Variants in PCDHA5 observed in about 807,000 individuals in gnomAD.
PCDHA5 encodes the protein protocadherin alpha-5.
PCDHA5 carries 43 observed loss-of-function variants against 61.6 expected under a neutral mutation model. The ratio of observed to expected loss-of-function variants is 0.70; its 90% confidence interval spans 0.55 to 0.90. The LOEUF (loss-of-function observed/expected upper bound fraction) is 0.90, where lower values mean the gene tolerates loss of function less well. Ranked by LOEUF, PCDHA5 falls within the 40% of genes least tolerant of loss-of-function variation. The pLI, the probability that PCDHA5 is intolerant of heterozygous loss-of-function variation, is 0.00. For synonymous variants in PCDHA5, 627 were observed against 543.9 expected (o/e 1.15, Z -2.13); for missense variants, 1,298 against 1,222.7 (o/e 1.06, Z -0.92).
rs545226629 is a variant in PCDHA5, at chr5:140,856,253, A to G, written c.2352+32126A>G. ...GCGCCTGTTCCGGGTGGCGTCCAAA[A>G]GACACGGGGACCTTCTGGAGGTAAA... On this transcript the variant is annotated intron_variant, in intron 1 of 3. Transcript: ENST00000529859. 2.5e-6 allele frequency: 4 copies of G among 1,597,916 alleles called. No individual in the cohort carries two copies. The African/African-American group carries it at 4.0e-5, about 16-fold the overall frequency.
At chr5:140,855,829 C>T in intron 1 of PCDHA5, 1 of 560,296 alleles carries the variant, frequency 1.8e-6, no homozygotes. Flanking sequence ...CTCATGGAAT[C>T]GTACTTACAC....
At chr5:140,899,200 T>G (rs1554188457) in intron 1 of PCDHA5, among the ~76,000 whole-genome samples, 2 of 151,512 alleles carry the variant, frequency 1.3e-5, no homozygotes, top group Admixed American at 1.3e-4. Context: ...CCTGCCTAAT[T>G]GCCCTGGCCA....
At chr5:140,829,449 C>T (rs2150168143) in intron 1 of PCDHA5, 10 of 1,613,808 alleles carry the variant, frequency 6.2e-6, no homozygotes, top group African/African-American at 5.3e-5. Context: ...GACAATGCTC[C>T]GGCGTTCGCG....
In PCDHA5 at chr5:140,857,009, G is replaced by T; in HGVS notation, c.2352+32882G>T. 2 of 1,596,020 alleles carry T rather than the reference G, an allele frequency of 1.3e-6. 1 individual carries two copies. The highest frequency in any genetic ancestry group is 1.7e-6 in the Non-Finnish European group (2 of 1,165,702). On this transcript the variant is annotated intron_variant, in intron 1 of 3. Transcript: ENST00000529859. ...TAACACTTATGAAATTCATGTAGAT[G>T]TTACAGATAAGGGAAACCCACCTAT...
intron 1 of PCDHA5, among the ~76,000 whole-genome samples, chr5:140,949,684 C>T (rs116815984): frequency 0.023 from 3,563 of 151,738 alleles, 50 homozygotes; most frequent in Middle Eastern, 0.051. Context: ...CTTGTTGAAG[C>T]GTATTGTTGG....
At chr5:140,956,504 T>C (rs577559329) in intron 1 of PCDHA5, among the ~76,000 whole-genome samples, 1 of 152,352 alleles carries the variant, frequency 6.6e-6, no homozygotes, top group South Asian at 2.1e-4. Context: ...TGAAGCCTAC[T>C]TGATCATGGT....
At chr5:140,857,858 G>A in intron 1 of PCDHA5, 3 of 1,597,854 alleles carry the variant, frequency 1.9e-6, no homozygotes, top group Non-Finnish European at 2.6e-6. Context: ...TGGATACAAC[G>A]CGTGGCTGTC....
Position 140,873,289 on chromosome 5 carries a change from C to T in PCDHA5, c.2352+49162C>T, listed in dbSNP as rs542998877. On this transcript the variant is annotated intron_variant, in intron 1 of 3. Transcript: ENST00000529859. ...TTAAACCATCATACCACTTATGAAA[C>T]TTTATAAATATAATAAAGGTGAATA... Among the ~76,000 whole-genome samples, 19 of 152,188 alleles carry T rather than the reference C, an allele frequency of 1.2e-4. No homozygotes were observed. In the South Asian group the frequency reaches 3.7e-3, roughly 30 times the overall value.
chr5:140,876,964 C>G, intron 1 of PCDHA5: 2 of 1,613,060 alleles, frequency 1.2e-6, no homozygotes, highest in Non-Finnish European at 1.7e-6. Context: ...GGTGGAGCGG[C>G]GGGTGGGCGA....
At chr5:140,927,714 C>G (rs111315855) in intron 1 of PCDHA5, 1 of 1,614,198 alleles carries the variant, frequency 6.2e-7, no homozygotes. Flanking sequence ...CCCTAAGCAA[C>G]AGCACGCAAG....
intron 1 of PCDHA5, chr5:140,850,124 G>A: frequency 6.3e-7 from 1 of 1,595,944 alleles, no homozygotes; most frequent in Non-Finnish European, 8.6e-7. Context: ...CGGGCGTGCC[G>A]CCTCTGGGCA....
At chr5:140,829,631 A>G (rs2150171714) in intron 1 of PCDHA5, 2 of 1,612,100 alleles carry the variant, frequency 1.2e-6, no homozygotes, top group East Asian at 2.2e-5. Flanking sequence ...GCACGCGGAG[A>G]GCGGCAAGGT....
chr5:140,942,197 T>C (rs2093245078), intron 1 of PCDHA5, among the ~76,000 whole-genome samples: 1 of 152,170 alleles, frequency 6.6e-6, no homozygotes, highest in African/African-American at 2.4e-5. Context: ...TAAAATACAT[T>C]TTTGAGCATA....
Position 140,856,390 on chromosome 5 carries a change from G to A in PCDHA5, c.2352+32263G>A, listed in dbSNP as rs2043967931. On this transcript the variant is annotated intron_variant, in intron 1 of 3. Coordinates refer to ENST00000529859, the MANE Select transcript of PCDHA5 (RefSeq NM_018908.3). ...AGGTGATCGTGGACAGGCCGCTGCA[G>A]GTTTTCCATGTGGACGTGGAAGTGA... is the stretch of plus-strand genomic sequence containing the variant. 3 of 1,598,440 alleles carry A rather than the reference G, an allele frequency of 1.9e-6. 1 individual carries two copies. The highest frequency in any genetic ancestry group is 2.6e-6 in the Non-Finnish European group (3 of 1,167,994).
intron 1 of PCDHA5, chr5:140,928,899 T>C (rs2085633672): frequency 2.5e-6 from 4 of 1,614,088 alleles, no homozygotes; most frequent in South Asian, 1.1e-5. Flanking sequence ...ACTTTGAAGA[T>C]GTCTGGGAAC....
intron 1 of PCDHA5, among the ~76,000 whole-genome samples, chr5:140,838,012 A>G (rs2150146283): frequency 6.6e-6 from 1 of 151,110 alleles, no homozygotes; most frequent in East Asian, 1.9e-4. Flanking sequence ...TAAAAAAAGA[A>G]GTGATTACAG....
At chr5:140,992,201 CAG>C (rs1587495213) in intron 3 of PCDHA5, among the ~76,000 whole-genome samples, 1 of 152,256 alleles carries the variant, frequency 6.6e-6, no homozygotes, top group East Asian at 1.9e-4. Context: ...TCTATCCAAT[CAG>C]ATAAACTACT....
At chr5:140,964,771 A>C (rs2095853520) in intron 1 of PCDHA5, among the ~76,000 whole-genome samples, 1 of 152,022 alleles carries the variant, frequency 6.6e-6, no homozygotes, top group South Asian at 2.1e-4. Context: ...GGATGCAGAG[A>C]GAAGAGGAAG....
In PCDHA5 at chr5:140,884,521, G is replaced by A. The variant is rs569278761; in HGVS notation, c.2352+60394G>A. On this transcript the variant is annotated intron_variant, in intron 1 of 3. Transcript: ENST00000529859. ...GCGCGGCAGGGAGTTGGTCGTACTCGCAGCAGAGGCGGCCGAGGGTGTGCT... is the reference window on the plus strand; with the variant it reads ...GCGCGGCAGGGAGTTGGTCGTACTCACAGCAGAGGCGGCCGAGGGTGTGCT... 8.1e-6 allele frequency: 13 copies of A among 1,614,196 alleles called. No homozygotes were observed. In the East Asian group the frequency reaches 2.0e-4, roughly 25 times the overall value.
Sources: gnomAD v4.1 joint callset for allele counts (sites outside exome capture counted in the v4.1 genomes callset) on GRCh38, gnomAD v4.1.1 for gene constraint, MANE v1.5 for transcripts, NCBI Gene and HGNC (gene_info 2026-07-23, HGNC 2026-07-21) for gene names.